MRPL1: variants seen among roughly 807,000 people sequenced by gnomAD.
The protein encoded by MRPL1 is large ribosomal subunit protein uL1m.
A neutral mutation model predicts 38.0 loss-of-function variants in MRPL1; 28 were observed. The observed-to-expected ratio is 0.74, with a 90% CI of 0.55 to 1.01. The LOEUF is 1.01. MRPL1 is among the 50% of genes least tolerant of loss of function. The pLI is 0.00. For missense variants in MRPL1, 358 were observed against 389.8 expected (o/e 0.92, Z 0.69); for synonymous variants, 123 against 126.7 (o/e 0.97, Z 0.20).
intron 8 of MRPL1, among the ~76,000 whole-genome samples, chr4:77,951,093 C>T (rs971682348): frequency 6.6e-6 from 1 of 152,222 alleles, no homozygotes; most frequent in African/African-American, 2.4e-5. Context: ...TGGTCTCGAA[C>T]TCCTGACCTC....
intron 4 of MRPL1, 58 bp downstream of exon 4, chr4:77,885,397 T>A: frequency 7.5e-7 from 1 of 1,341,160 alleles, no homozygotes; most frequent in Non-Finnish European, 1.1e-6. Flanking sequence ...AGACGGAGTC[T>A]CACTCTGTCA....
chr4:77,889,012 A>T (rs546496058), intron 5 of MRPL1, among the ~76,000 whole-genome samples: 3 of 152,210 alleles, frequency 2.0e-5, no homozygotes, highest in South Asian at 4.2e-4. Flanking sequence ...AGAGACTTAG[A>T]CTCCCACACA....
intron 7 of MRPL1, among the ~76,000 whole-genome samples, chr4:77,930,191 T>C (rs1441214667): frequency 6.6e-6 from 1 of 152,162 alleles, no homozygotes; most frequent in Non-Finnish European, 1.5e-5. Context: ...CGTCCAGTTA[T>C]AGGCTTGAGA....
chr4:77,947,644 G>A (rs1167033820), intron 7 of MRPL1, among the ~76,000 whole-genome samples: 2 of 152,172 alleles, frequency 1.3e-5, no homozygotes, highest in African/African-American at 4.8e-5. Flanking sequence ...GCTTTCCTGA[G>A]TTCTCTCTAG....
intron 7 of MRPL1, among the ~76,000 whole-genome samples, chr4:77,946,603 T>A (rs2110268078): frequency 6.6e-6 from 1 of 152,320 alleles, no homozygotes; most frequent in East Asian, 1.9e-4. Context: ...ACTATTAATT[T>A]TGGGAACTGA....
intron 7 of MRPL1, among the ~76,000 whole-genome samples, chr4:77,922,949 G>A (rs997267509): frequency 2.0e-5 from 3 of 152,178 alleles, no homozygotes; most frequent in African/African-American, 7.2e-5. Context: ...AAATTTGTGA[G>A]TCATCTGCAT....
chr4:77,875,853 G>A (rs1291728984), intron 2 of MRPL1, among the ~76,000 whole-genome samples: 1 of 152,164 alleles, frequency 6.6e-6, no homozygotes, highest in Non-Finnish European at 1.5e-5. Flanking sequence ...TTGTTAAGTT[G>A]CTGGAGTACC....
chr4:77,904,289 C>G (rs1379970821), intron 6 of MRPL1, among the ~76,000 whole-genome samples: 2 of 151,702 alleles, frequency 1.3e-5, no homozygotes, highest in African/African-American at 4.8e-5. Flanking sequence ...CATGCTGGTT[C>G]ATACCTGTAA....
intron 7 of MRPL1, among the ~76,000 whole-genome samples, chr4:77,948,604 A>C (rs1476807625): frequency 6.6e-6 from 1 of 152,178 alleles, no homozygotes; most frequent in African/African-American, 2.4e-5. Flanking sequence ...GGATGATGAT[A>C]AAAGGATTTT....
At chr4:77,893,550 T>G (rs1339043010) in intron 5 of MRPL1, among the ~76,000 whole-genome samples, 1 of 151,970 alleles carries the variant, frequency 6.6e-6, no homozygotes, top group East Asian at 1.9e-4. Context: ...TCCTTTGTTC[T>G]GAGAATGGAT....
intron 6 of MRPL1, among the ~76,000 whole-genome samples, chr4:77,906,356 G>C (rs1165717981): frequency 1.3e-5 from 2 of 152,134 alleles, no homozygotes; most frequent in East Asian, 3.8e-4. Context: ...ACACGAAATA[G>C]AGATGGCTTT....
intron 7 of MRPL1, among the ~76,000 whole-genome samples, chr4:77,912,060 T>C (rs1016569989): frequency 1.3e-5 from 2 of 152,162 alleles, no homozygotes; most frequent in Non-Finnish European, 2.9e-5. Flanking sequence ...GATTAAAAAG[T>C]CTCAGCAAAC....
chr4:77,902,515 A>G (rs1736059771), intron 6 of MRPL1, among the ~76,000 whole-genome samples: 1 of 152,186 alleles, frequency 6.6e-6, no homozygotes, highest in African/African-American at 2.4e-5. Flanking sequence ...AGAAAAAATA[A>G]TAAAGAACAT....
intron 1 of MRPL1, among the ~76,000 whole-genome samples, chr4:77,866,967 C>T (rs1735161860): frequency 6.6e-6 from 1 of 151,864 alleles, no homozygotes; most frequent in Admixed American, 6.6e-5. Context: ...AGGCTGGTCT[C>T]GACCTCCTGA....
intron 7 of MRPL1, among the ~76,000 whole-genome samples, chr4:77,942,916 GTTAT>G (rs1221279953): frequency 3.3e-5 from 5 of 152,090 alleles, no homozygotes; most frequent in Non-Finnish European, 7.4e-5. Context: ...TATTCATTGC[GTTAT>G]TTGTTGCCTG....
chr4:77,876,650 A>G (rs553319565), intron 2 of MRPL1, among the ~76,000 whole-genome samples: 194 of 152,248 alleles, frequency 1.3e-3, no homozygotes, highest in African/African-American at 3.8e-3. Flanking sequence ...TAATGTATTG[A>G]CTTTATAATA....
chr4:77,937,609 T>C (rs1001213804), intron 7 of MRPL1, among the ~76,000 whole-genome samples: 2 of 152,228 alleles, frequency 1.3e-5, no homozygotes, highest in African/African-American at 2.4e-5. Context: ...ACCCAGTCTT[T>C]ACAGATGAAC....
chr4:77,928,203 G>C (rs1736761386), intron 7 of MRPL1, among the ~76,000 whole-genome samples: 1 of 152,192 alleles, frequency 6.6e-6, no homozygotes, highest in South Asian at 2.1e-4. Context: ...ATAAACAATA[G>C]TAAAATCTTA....
chr4:77,926,671 C>T (rs1439073706), intron 7 of MRPL1, among the ~76,000 whole-genome samples: 3 of 148,608 alleles, frequency 2.0e-5, no homozygotes. Context: ...TGCAGTGGTG[C>T]GATCTTGGCT....
Sources: allele counts gnomAD v4.1 joint callset (sites outside exome capture counted in the v4.1 genomes callset), GRCh38; gene constraint gnomAD v4.1.1; transcripts MANE v1.5; gene names NCBI Gene and HGNC (gene_info 2026-07-23, HGNC 2026-07-21).